The following SPATA12 variants were observed in gnomAD, a reference collection of about 807,000 sequenced individuals.
SPATA12 encodes spermatogenesis-associated protein 12.
For missense variants in SPATA12, 219 were observed against 226.4 expected, an observed-to-expected ratio of 0.97 and a Z score of 0.21; for synonymous variants, 85 against 89.2, an observed-to-expected ratio of 0.95 and a Z score of 0.26.
At chr3:57,070,678 G>T (rs999401776) in intron 1 of SPATA12, among the ~76,000 whole-genome samples, 1 of 152,122 alleles carries the variant, frequency 6.6e-6, no homozygotes, top group African/African-American at 2.4e-5. Context: ...AGAAGGTCAG[G>T]CTGGGCACAG....
chr3:57,065,313 T>A (rs1705465745), intron 1 of SPATA12, among the ~76,000 whole-genome samples: 1 of 152,026 alleles, frequency 6.6e-6, no homozygotes, highest in African/African-American at 2.4e-5. Context: ...AATACAAAAT[T>A]AGCCGGGTGT....
chr3:57,069,213 G>A (rs1377266014), intron 1 of SPATA12, among the ~76,000 whole-genome samples: 1 of 152,132 alleles, frequency 6.6e-6, no homozygotes, highest in Non-Finnish European at 1.5e-5. Context: ...GAGCCACCAC[G>A]CCTGGCCTAG....
intron 1 of SPATA12, among the ~76,000 whole-genome samples, chr3:57,068,870 G>T (rs1705714932): frequency 6.6e-6 from 1 of 151,520 alleles, no homozygotes; most frequent in Non-Finnish European, 1.5e-5. Context: ...CCTATGAACT[G>T]CCGGTTCCAA....
chr3:57,062,805 GA>G (rs1705303547), intron 1 of SPATA12, among the ~76,000 whole-genome samples: 1 of 151,994 alleles, frequency 6.6e-6, no homozygotes, highest in Non-Finnish European at 1.5e-5. Flanking sequence ...CATAATAGAA[GA>G]ATCAAATGGC....
chr3:57,070,679 C>A (rs1705835117), intron 1 of SPATA12, among the ~76,000 whole-genome samples: 1 of 152,074 alleles, frequency 6.6e-6, no homozygotes, highest in Non-Finnish European at 1.5e-5. Context: ...GAAGGTCAGG[C>A]TGGGCACAGT....
At chr3:57,062,638 T>C (rs538025049) in intron 1 of SPATA12, among the ~76,000 whole-genome samples, 2 of 152,328 alleles carry the variant, frequency 1.3e-5, no homozygotes, top group South Asian at 4.1e-4. Context: ...ACTATGTAGC[T>C]GTTTAACAAG....
At chr3:57,067,437 A>G (rs1705606992) in intron 1 of SPATA12, among the ~76,000 whole-genome samples, 1 of 143,846 alleles carries the variant, frequency 7.0e-6, no homozygotes, top group African/African-American at 2.6e-5. Context: ...CCTGGGTGAC[A>G]GCAAGACTCT....
chr3:57,067,860 G>C (rs1359977847), intron 1 of SPATA12, among the ~76,000 whole-genome samples: 1 of 151,666 alleles, frequency 6.6e-6, no homozygotes, highest in Non-Finnish European at 1.5e-5. Flanking sequence ...CAAAGTGGCG[G>C]GCTCCTGTGG....
At chr3:57,064,877 T>A (rs1363479459) in intron 1 of SPATA12, among the ~76,000 whole-genome samples, 2 of 152,212 alleles carry the variant, frequency 1.3e-5, no homozygotes, top group African/African-American at 2.4e-5. Context: ...AATATCAGTA[T>A]ACGCAACACT....
Position 57,067,052 on chromosome 3 carries a change from T to C in SPATA12, c.-330+6266T>C, listed in dbSNP as rs969857602. Among the ~76,000 whole-genome samples, 4 of 152,346 alleles carry C rather than the reference T, an allele frequency of 2.6e-5. 1 individual carries two copies. The highest frequency in any genetic ancestry group is 2.4e-5 in the African/African-American group (1 of 41,576). ...ACACCCAAAATAAGTGATTTTCCAATAGAAATTGTCTGTAAGGACCTGTAC... is the reference window on the plus strand; with the variant it reads ...ACACCCAAAATAAGTGATTTTCCAACAGAAATTGTCTGTAAGGACCTGTAC... On this transcript the variant is annotated intron_variant, in intron 1 of 1. Coordinates refer to ENST00000334325, the MANE Select transcript of SPATA12 (RefSeq NM_181727.2).
At chr3:57,061,069 C>A (rs1349211683) in intron 1 of SPATA12, among the ~76,000 whole-genome samples, 1 of 152,136 alleles carries the variant, frequency 6.6e-6, no homozygotes, top group Non-Finnish European at 1.5e-5. Context: ...TTACCATTAT[C>A]CATTTCCAGA....
chr3:57,069,792 G>A (rs1197416067), intron 1 of SPATA12, among the ~76,000 whole-genome samples: 2 of 152,184 alleles, frequency 1.3e-5, no homozygotes, highest in African/African-American at 2.4e-5. Context: ...CTACAGACAT[G>A]TGCCGTCACA....
chr3:57,073,209 C>T (rs1189890580), intron 1 of SPATA12, among the ~76,000 whole-genome samples, 157 bp from the exon 2 acceptor site: 1 of 151,904 alleles, frequency 6.6e-6, no homozygotes, highest in African/African-American at 2.4e-5. Flanking sequence ...TCTCTGGAAG[C>T]AAGCTTGGGA....
chr3:57,069,214 C>G (rs1279772831), intron 1 of SPATA12, among the ~76,000 whole-genome samples: 1 of 152,206 alleles, frequency 6.6e-6, no homozygotes, highest in Admixed American at 6.5e-5. Flanking sequence ...AGCCACCACG[C>G]CTGGCCTAGA....
intron 1 of SPATA12, among the ~76,000 whole-genome samples, chr3:57,069,157 GT>G (rs1162809826): frequency 6.6e-6 from 1 of 151,972 alleles, no homozygotes; most frequent in African/African-American, 2.4e-5. Context: ...TCCTGACCTC[GT>G]GATCCACTTG....
intron 1 of SPATA12, among the ~76,000 whole-genome samples, chr3:57,069,579 T>C (rs1705767987): frequency 6.6e-6 from 1 of 152,214 alleles, no homozygotes; most frequent in African/African-American, 2.4e-5. Flanking sequence ...GAAAATAAAA[T>C]CATGTATTTG....
chr3:57,066,978 T>C (rs1296256733), intron 1 of SPATA12, among the ~76,000 whole-genome samples: 6 of 152,170 alleles, frequency 3.9e-5, no homozygotes, highest in Non-Finnish European at 5.9e-5. Context: ...AGATGAGCGA[T>C]TGATTGACAC....
At chr3:57,065,844 C>T (rs1012235028) in intron 1 of SPATA12, among the ~76,000 whole-genome samples, 13 of 152,098 alleles carry the variant, frequency 8.5e-5, no homozygotes, top group Admixed American at 7.2e-4. Flanking sequence ...GCTAGATCTA[C>T]GGAGCATGCA....
intron 1 of SPATA12, among the ~76,000 whole-genome samples, chr3:57,063,622 G>A (rs1449520135): frequency 1.3e-5 from 2 of 152,156 alleles, no homozygotes; most frequent in African/African-American, 2.4e-5. Flanking sequence ...ACAGAGATGT[G>A]GGAAGAGGAT....
Sources: allele counts gnomAD v4.1 joint callset (sites outside exome capture counted in the v4.1 genomes callset), GRCh38; gene constraint gnomAD v4.1.1; transcripts MANE v1.5; gene names NCBI Gene and HGNC (gene_info 2026-07-23, HGNC 2026-07-21).